SCN7A: variants seen among roughly 807,000 people sequenced by gnomAD.
SCN7A encodes the protein sodium voltage-gated channel alpha subunit 7.
SCN7A carries 138 observed loss-of-function variants against 155.2 expected under a neutral mutation model. That is an observed-to-expected ratio of 0.89 (90% CI 0.77 to 1.02). The LOEUF is 1.02. SCN7A is among the 50% of genes least tolerant of loss of function. SCN7A has a pLI of 0.00. For synonymous variants in SCN7A, 693 were observed against 649.0 expected (o/e 1.07, Z -1.03); for missense variants, 2,058 against 1,986.6 (o/e 1.04, Z -0.68).
At chr2:166,429,069 G>T in intron 17 of SCN7A, 100 bp downstream of exon 17, 1 of 600,694 alleles carries the variant, frequency 1.7e-6, no homozygotes, top group Non-Finnish European at 2.8e-6. Context: ...AATGTATAAA[G>T]ATTCAGTCAA....
chr2:166,438,068 G>T (rs1457222730), intron 15 of SCN7A, among the ~76,000 whole-genome samples: 5 of 152,128 alleles, frequency 3.3e-5, no homozygotes, highest in African/African-American at 2.4e-5. Context: ...GGGGTGGAAT[G>T]ATATTGCTTG....
Position 166,410,125 on chromosome 2 carries a change from C to T in SCN7A, c.3711+95G>A, listed in dbSNP as rs1351158504. 12 of 1,190,690 alleles carry T rather than the reference C, an allele frequency of 1.0e-5. No individual in the cohort carries two copies. In the South Asian group the frequency reaches 1.7e-4, roughly 16 times the overall value. The allele number at this position is 1,190,690 out of a possible 1,614,324, so 73.8% of individuals were successfully genotyped here. ...CCATGAAAAGCTTTGTCAAGGGACA[C>T]AAAAATTTTGACAAAAACATTTGTT... is the stretch of plus-strand genomic sequence containing the variant. On this transcript the variant is annotated intron_variant, in intron 24 of 25. Coordinates refer to ENST00000643258, the MANE Select transcript of SCN7A (RefSeq NM_002976.4).
intron 15 of SCN7A, among the ~76,000 whole-genome samples, chr2:166,435,311 A>G (rs77146222): frequency 6.6e-6 from 1 of 152,122 alleles, no homozygotes; most frequent in East Asian, 1.9e-4. Context: ...GAGCATTAAC[A>G]AAAAAGAGAG....
intron 17 of SCN7A, among the ~76,000 whole-genome samples, chr2:166,428,194 C>G (rs4550683): frequency 0.7 from 106,760 of 151,868 alleles, 37,708 homozygotes; most frequent in African/African-American, 0.77. Flanking sequence ...AAATGACCTA[C>G]AACATGTTGT....
At chr2:166,436,167 G>A (rs942600332) in intron 15 of SCN7A, among the ~76,000 whole-genome samples, 1 of 152,118 alleles carries the variant, frequency 6.6e-6, no homozygotes, top group African/African-American at 2.4e-5. Flanking sequence ...TGATTGAAAT[G>A]GTTTGTCTTT....
chr2:166,415,979 T>A (rs1701367004), intron 21 of SCN7A, among the ~76,000 whole-genome samples: 1 of 152,116 alleles, frequency 6.6e-6, no homozygotes, highest in African/African-American at 2.4e-5. Flanking sequence ...CTAAATTCTT[T>A]TCCTAGTAAG....
At position 166,452,297 on chromosome 2, in the gene SCN7A, A is replaced by G. The variant is rs542666164; in HGVS notation, c.1290+4573T>C. On this transcript the variant is annotated intron_variant, in intron 11 of 25. Coordinates refer to ENST00000643258, the MANE Select transcript of SCN7A (RefSeq NM_002976.4). ...GTATTCCTCTCTTACAGTCTCTGAG[A>G]AAAAAAAGCAATTGGATCAAGATGC... 3.9e-5 allele frequency among the ~76,000 whole-genome samples: 6 copies of G among 151,928 alleles called. No homozygotes were observed. In the East Asian group the frequency reaches 5.8e-4, roughly 15 times the overall value.
intron 10 of SCN7A, chr2:166,462,088 C>CA (rs71031248): frequency 0.017 from 1,174 of 67,822 alleles, 21 homozygotes; most frequent in African/African-American, 0.027. Flanking sequence ...GACTCCGTCT[C>CA]AAAAAAAAAA....
Position 166,423,450 on chromosome 2 carries a change from A to C in SCN7A, c.2854-18T>G. 1 of 1,508,262 alleles carries C rather than the reference A, an allele frequency of 6.6e-7. No individual in the cohort carries two copies. The highest frequency in any genetic ancestry group is 1.3e-5 in the South Asian group (1 of 75,366). The allele number at this position is 1,508,262 out of a possible 1,614,324, so 93.4% of individuals were successfully genotyped here. A position where few individuals can be genotyped will look rare whatever the true frequency, so the allele number is the denominator to read the frequency against. ...TCAAAAGCCTGTGGGTAAAAATAAA[A>C]AAATAAGGATTAGGTGTACAGGTAA... On this transcript the variant is annotated intron_variant, in intron 18 of 25. Coordinates refer to ENST00000643258, the MANE Select transcript of SCN7A (RefSeq NM_002976.4).
chr2:166,483,401 G>A (rs1311086199), intron 2 of SCN7A, among the ~76,000 whole-genome samples: 1 of 151,878 alleles, frequency 6.6e-6, no homozygotes, highest in Non-Finnish European at 1.5e-5. Context: ...TGGGGTTTGT[G>A]TATGTTTGTT....
Position 166,410,339 on chromosome 2 carries a change from G to C in SCN7A, c.3607-15C>G. 1 of 1,497,662 alleles carries C rather than the reference G, an allele frequency of 6.7e-7. No individual in the cohort carries two copies. The highest frequency in any genetic ancestry group is 9.0e-7 in the Non-Finnish European group (1 of 1,113,434). 92.8% of individuals were successfully genotyped at this position (1,497,662 alleles called of 1,614,324 possible). A position where few individuals can be genotyped will look rare whatever the true frequency, so the allele number is the denominator to read the frequency against. On this transcript the variant is annotated splice_polypyrimidine_tract_variant and intron_variant, in intron 23 of 25. Transcript: ENST00000643258. Reference sequence around the variant, plus strand: ...GAGCCTCCCAGGTAAAGAAAGGAAAGAAAAATATATTAAAATCACACTTAA... The same window carrying C: ...GAGCCTCCCAGGTAAAGAAAGGAAACAAAAATATATTAAAATCACACTTAA...
At chr2:166,437,129 C>A (rs968880066) in intron 15 of SCN7A, among the ~76,000 whole-genome samples, 4 of 152,210 alleles carry the variant, frequency 2.6e-5, no homozygotes, top group African/African-American at 9.6e-5. Context: ...CATAACAGGG[C>A]ATAGGCCTAG....
chr2:166,444,933 C>T lies in SCN7A; in HGVS notation c.1455G>A (p.Trp485Ter). 2 of 1,613,546 alleles carry T rather than the reference C, an allele frequency of 1.2e-6. No individual in the cohort carries two copies. The highest frequency in any genetic ancestry group is 1.1e-5 in the South Asian group (1 of 91,058). Residue 485 changes from tryptophan to a stop codon, truncating the protein, a stop_gained, in exon 13 of 26, where the codon TGG becomes TGA. Coordinates refer to ENST00000643258, the MANE Select transcript of SCN7A (RefSeq NM_002976.4). LOFTEE classifies it high-confidence loss of function. ...ATTTTAACCAACAGGGAGAACAATT[C>T]CAGATCAAGAAAGTTTTAGCAAACT... is the stretch of plus-strand genomic sequence containing the variant. ...WYKFAKTFLI[W>*]NCSPCWLKLK...
At chr2:166,480,561 TATTG>T (rs1329743663) in intron 2 of SCN7A, among the ~76,000 whole-genome samples, 5 of 152,086 alleles carry the variant, frequency 3.3e-5, no homozygotes, top group Admixed American at 1.3e-4. Context: ...ATAAATAACT[TATTG>T]ATTCTCTTTA....
intron 1 of SCN7A, among the ~76,000 whole-genome samples, chr2:166,487,846 AT>A (rs1198765670): frequency 1.3e-5 from 2 of 152,164 alleles, no homozygotes; most frequent in African/African-American, 4.8e-5. Context: ...GCAAATGCCA[AT>A]TTCATTCCGT....
intron 19 of SCN7A, 32 bp downstream of exon 19, chr2:166,423,227 A>G (rs1240508569): frequency 4.4e-6 from 7 of 1,585,874 alleles, no homozygotes; most frequent in African/African-American, 1.4e-5. Context: ...AAAGTAAATC[A>G]AATAGCCTTT....
At chr2:166,492,739 G>T (rs1683141068) in intron 1 of SCN7A, among the ~76,000 whole-genome samples, 1 of 152,202 alleles carries the variant, frequency 6.6e-6, no homozygotes, top group Non-Finnish European at 1.5e-5. Flanking sequence ...AATCAGAATA[G>T]TGAAGTAGAT....
At chr2:166,456,665 T>C (rs1162370382) in intron 11 of SCN7A, among the ~76,000 whole-genome samples, 1 of 152,084 alleles carries the variant, frequency 6.6e-6, no homozygotes, top group Non-Finnish European at 1.5e-5. Flanking sequence ...AAGCAGAGCC[T>C]TAAAGCACTT....
intron 15 of SCN7A, chr2:166,440,855 T>C (rs1168398111): frequency 6.5e-6 from 1 of 153,478 alleles, no homozygotes; most frequent in East Asian, 1.9e-4. Context: ...GCGTACTACA[T>C]GATCTGACAG....
Sources: allele counts gnomAD v4.1 joint callset (sites outside exome capture counted in the v4.1 genomes callset), GRCh38; gene constraint gnomAD v4.1.1; transcripts MANE v1.5; gene names NCBI Gene and HGNC (gene_info 2026-07-23, HGNC 2026-07-21).